The following PISD variants were observed in gnomAD, a reference collection of about 807,000 sequenced individuals.
PISD encodes the protein phosphatidylserine decarboxylase proenzyme, mitochondrial.
In PISD, 31 loss-of-function variants were observed where a neutral mutation model predicts 43.5. That is an observed-to-expected ratio of 0.71 (90% CI 0.54 to 0.96). PISD has a LOEUF of 0.96. Among genes scored for constraint, PISD ranks in the 40% least tolerant of loss-of-function variants. PISD has a pLI of 0.00. For synonymous variants in PISD, 259 were observed against 228.7 expected, an observed-to-expected ratio of 1.13 and a Z score of -1.20; for missense variants, 523 against 548.4, an observed-to-expected ratio of 0.95 and a Z score of 0.46.
intron 3 of PISD, chr22:31,625,757 T>TCTCA: frequency 6.3e-7 from 1 of 1,582,750 alleles, no homozygotes; most frequent in South Asian, 1.2e-5. Context: ...GTGGGCAGCA[T>TCTCA]CTCACCATTT....
At chr22:31,660,552 G>A (rs1221921645) in intron 1 of PISD, among the ~76,000 whole-genome samples, 5 of 152,096 alleles carry the variant, frequency 3.3e-5, no homozygotes, top group African/African-American at 1.2e-4. Context: ...TAGCTACTCA[G>A]GAGGCTGAGG....
intron 7 of PISD, among the ~76,000 whole-genome samples, chr22:31,620,106 A>G (rs16989334): frequency 0.084 from 12,720 of 152,270 alleles, 620 homozygotes; most frequent in African/African-American, 0.14. Flanking sequence ...CTGGGAGAGC[A>G]GCACCCGTGG....
At chr22:31,623,707 C>G in intron 3 of PISD, 1 of 1,613,990 alleles carries the variant, frequency 6.2e-7, no homozygotes, top group Non-Finnish European at 8.5e-7. Flanking sequence ...CTCCATCCCA[C>G]CCGGCTGAGC....
At chr22:31,623,662 A>T (rs973881750) in intron 3 of PISD, 6 of 1,605,008 alleles carry the variant, frequency 3.7e-6, no homozygotes, top group Non-Finnish European at 3.4e-6. Flanking sequence ...GGTCCGAGCC[A>T]CAGGGGCCTG....
At chr22:31,641,180 T>C (rs982206201) in intron 3 of PISD, among the ~76,000 whole-genome samples, 11 of 152,116 alleles carry the variant, frequency 7.2e-5, no homozygotes, top group Non-Finnish European at 8.8e-5. Flanking sequence ...ACTCTTACCA[T>C]AGATCTTATC....
rs1257763966 is a variant in PISD at position 31,619,558 on chromosome 22, A to G, written c.*54T>C. On this transcript the variant is annotated 3_prime_UTR_variant, in exon 8 of 8. Coordinates refer to ENST00000439502, the MANE Select transcript of PISD (RefSeq NM_001326411.2). ...CCTCATGGGCCTCCCTCTTGAAAAG[A>G]CCCTCACTCTGTTTGGAAAAGATCC... The G allele has an allele frequency of 1.4e-6, 2 of 1,474,404 alleles. No homozygotes were observed. Among genetic ancestry groups the G allele is most frequent in the Non-Finnish European group, 1.9e-6 (2 of 1,057,850 alleles). 91.3% of individuals were successfully genotyped at this position (1,474,404 alleles called of 1,614,324 possible). A position where few individuals can be genotyped will look rare whatever the true frequency, so the allele number is the denominator to read the frequency against.
chr22:31,662,249 G>C, upstream of PISD: 4 of 1,584,324 alleles, frequency 2.5e-6, no homozygotes, highest in Non-Finnish European at 3.4e-6. Flanking sequence ...CCCTTCACAC[G>C]CTGGGCGCAC....
In PISD at chr22:31,648,049, AC is replaced by A. The variant is rs1310557980; in HGVS notation, c.321+51del. The stretch of plus-strand genomic sequence containing the variant: ...CAACTTTGGAACAACTGGAAAAGTG[AC>A]AGACAAAGTTTGCTGGACGAGAACC... On this transcript the variant is annotated intron_variant, in intron 3 of 7. Transcript: ENST00000439502. The A allele has an allele frequency of 9.4e-5, 139 of 1,474,244 alleles. 1 individual carries two copies. Among genetic ancestry groups the A allele is most frequent in the Non-Finnish European group, 1.2e-4 (131 of 1,077,160 alleles). 91.3% of individuals were successfully genotyped at this position (1,474,244 alleles called of 1,614,324 possible).
At chr22:31,651,619 A>T (rs1001797688) in intron 1 of PISD, among the ~76,000 whole-genome samples, 2 of 152,070 alleles carry the variant, frequency 1.3e-5, no homozygotes, top group African/African-American at 4.8e-5. Context: ...GTGGTGGCAC[A>T]TGCCTGTAAT....
At chr22:31,625,173 G>A (rs1041004853) in intron 3 of PISD, among the ~76,000 whole-genome samples, 74 of 152,208 alleles carry the variant, frequency 4.9e-4, no homozygotes, top group African/African-American at 1.7e-3. Flanking sequence ...CAGAGCAGAC[G>A]GCAGGCGAAC....
chr22:31,625,234 A>G (rs1003394023), intron 3 of PISD, among the ~76,000 whole-genome samples: 4 of 152,198 alleles, frequency 2.6e-5, no homozygotes, highest in African/African-American at 9.6e-5. Context: ...GCATCCACGC[A>G]GCTCCCGGGT....
chr22:31,632,653 T>C (rs1463484150), intron 3 of PISD, among the ~76,000 whole-genome samples: 1 of 152,188 alleles, frequency 6.6e-6, no homozygotes, highest in South Asian at 2.1e-4. Flanking sequence ...CACCCTGCCA[T>C]GGGAAGACAT....
At chr22:31,637,162 A>ATTT in intron 3 of PISD, among the ~76,000 whole-genome samples, 1 of 15,474 alleles carries the variant, frequency 6.5e-5, no homozygotes, top group Non-Finnish European at 1.0e-4. Flanking sequence ...AAAAAAAAAA[A>ATTT]AAATATATAT....
rs2072863145 is a variant in PISD at position 31,625,615 on chromosome 22, C to T, written c.322-3730G>A. 4 of 981,066 alleles carry T rather than the reference C, an allele frequency of 4.1e-6. No homozygotes were observed. The African/African-American group carries it at 4.8e-5, about 12-fold the overall frequency. 60.8% of individuals were successfully genotyped at this position (981,066 alleles called of 1,614,324 possible). The stretch of plus-strand genomic sequence containing the variant: ...GCTCTCCGACTCAGGGTGCTCAGGC[C>T]CCCCAGGCCAGGCTCCTCCAGCCTC... On this transcript the variant is annotated intron_variant, in intron 3 of 7. Coordinates refer to ENST00000439502, the MANE Select transcript of PISD (RefSeq NM_001326411.2).
At chr22:31,634,509 C>T (rs1009645337) in intron 3 of PISD, among the ~76,000 whole-genome samples, 1 of 152,248 alleles carries the variant, frequency 6.6e-6, no homozygotes, top group African/African-American at 2.4e-5. Context: ...CCTGCCCAGG[C>T]ACTCAGGAAG....
chr22:31,625,464 G>A (rs907296841), intron 3 of PISD: 12 of 538,744 alleles, frequency 2.2e-5, no homozygotes, highest in African/African-American at 1.9e-4. Flanking sequence ...GCAAGGGTCT[G>A]GGCTGCGAGC....
intron 3 of PISD, among the ~76,000 whole-genome samples, chr22:31,646,351 A>T (rs899333619): frequency 2.0e-5 from 3 of 152,210 alleles, no homozygotes; most frequent in Non-Finnish European, 2.9e-5. Flanking sequence ...ACACTGCATT[A>T]GGCCACTGTA....
chr22:31,641,654 A>G (rs763519318), intron 3 of PISD, among the ~76,000 whole-genome samples: 2 of 150,664 alleles, frequency 1.3e-5, no homozygotes, highest in African/African-American at 2.5e-5. Flanking sequence ...GATCTCTACT[A>G]AAAACACACA....
intron 3 of PISD, chr22:31,628,086 G>A: frequency 2.0e-6 from 2 of 985,490 alleles, no homozygotes; most frequent in Non-Finnish European, 2.4e-6. Flanking sequence ...TCTAAAACAA[G>A]CGCCGAGACC....
Sources: gnomAD v4.1 joint callset for allele counts (sites outside exome capture counted in the v4.1 genomes callset) on GRCh38, gnomAD v4.1.1 for gene constraint, MANE v1.5 for transcripts, NCBI Gene and HGNC (gene_info 2026-07-23, HGNC 2026-07-21) for gene names.